Variants in NAV2 observed in about 807,000 individuals in gnomAD.
NAV2 encodes neuron navigator 2, also known as helicase, APC down-regulated 1.
A neutral mutation model predicts 223.2 loss-of-function variants in NAV2; 54 were observed. The ratio of observed to expected loss-of-function variants is 0.24; its 90% CI spans 0.19 to 0.30. NAV2 has a LOEUF of 0.30. NAV2 is among the 10% of genes least tolerant of loss of function. The pLI is 1.00. For missense variants in NAV2, 2,806 were observed against 3,147.5 expected, an observed-to-expected ratio of 0.89 and a Z score of 2.60; for synonymous variants, 1,279 against 1,239.3, an observed-to-expected ratio of 1.03 and a Z score of -0.67.
chr11:19,365,450 C>T (rs887252292), intron 1 of NAV2, among the ~76,000 whole-genome samples: 9 of 152,206 alleles, frequency 5.9e-5, no homozygotes, highest in African/African-American at 1.4e-4. Context: ...CACTTCACCT[C>T]GGTGTTCCTC....
chr11:19,653,569 C>T (rs530565041), intron 1 of NAV2, among the ~76,000 whole-genome samples: 1 of 152,244 alleles, frequency 6.6e-6, no homozygotes, highest in East Asian at 1.9e-4. Flanking sequence ...GCATCAAAAC[C>T]TCATGCTGTT....
chr11:19,529,758 T>TA (rs1205096755), intron 1 of NAV2, among the ~76,000 whole-genome samples: 13 of 152,302 alleles, frequency 8.5e-5, no homozygotes, highest in Admixed American at 3.3e-4. Context: ...CCTCACACAG[T>TA]AACCTCTTCA....
intron 1 of NAV2, among the ~76,000 whole-genome samples, chr11:19,678,820 A>C (rs1165570121): frequency 6.6e-6 from 1 of 152,172 alleles, no homozygotes; most frequent in Non-Finnish European, 1.5e-5. Flanking sequence ...AGCAGATCTT[A>C]TTTGTGTAAG....
intron 1 of NAV2, among the ~76,000 whole-genome samples, chr11:19,662,120 T>C (rs941886237): frequency 2.0e-5 from 3 of 152,222 alleles, no homozygotes; most frequent in Non-Finnish European, 4.4e-5. Flanking sequence ...ACTTAAATTC[T>C]TTTTAAAAAT....
intron 1 of NAV2, among the ~76,000 whole-genome samples, chr11:19,686,252 T>A (rs965762588): frequency 6.6e-6 from 1 of 152,152 alleles, no homozygotes; most frequent in African/African-American, 2.4e-5. Flanking sequence ...CTGTGATATG[T>A]TCCCTTGCTT....
chr11:19,916,416 T>C (rs2043810965), intron 6 of NAV2, among the ~76,000 whole-genome samples: 1 of 152,242 alleles, frequency 6.6e-6, no homozygotes, highest in Admixed American at 6.5e-5. Context: ...TATGCATTAA[T>C]ACATAAAAGT....
intron 1 of NAV2, among the ~76,000 whole-genome samples, chr11:19,687,175 C>G (rs2049046669): frequency 6.6e-6 from 1 of 152,160 alleles, no homozygotes; most frequent in Admixed American, 6.5e-5. Flanking sequence ...ACAGCATTCT[C>G]CCTGGAACAG....
intron 6 of NAV2, among the ~76,000 whole-genome samples, chr11:19,910,553 G>C (rs1322042888): frequency 6.6e-6 from 1 of 152,170 alleles, no homozygotes; most frequent in African/African-American, 2.4e-5. Flanking sequence ...TGACATATCA[G>C]CATGTTAAGA....
intron 1 of NAV2, among the ~76,000 whole-genome samples, chr11:19,580,673 G>C (rs1293303209): frequency 6.6e-6 from 1 of 152,138 alleles, no homozygotes; most frequent in Non-Finnish European, 1.5e-5. Context: ...TAGGCAATTT[G>C]ATTTATTTTC....
At chr11:19,354,434 G>A (rs956720195) in intron 1 of NAV2, among the ~76,000 whole-genome samples, 3 of 152,214 alleles carry the variant, frequency 2.0e-5, no homozygotes, top group Non-Finnish European at 4.4e-5. Flanking sequence ...GGCCACTGTG[G>A]TAGACAGTAC....
chr11:20,012,892 T>C (rs2254101), intron 11 of NAV2, among the ~76,000 whole-genome samples: 149,285 of 152,316 alleles, frequency 0.98, 73,246 homozygotes, highest in Middle Eastern at 1. Context: ...TTACCAGCAG[T>C]GTGGCCTTGG....
intron 1 of NAV2, among the ~76,000 whole-genome samples, chr11:19,429,691 T>C (rs896046260): frequency 6.6e-6 from 1 of 152,186 alleles, no homozygotes; most frequent in African/African-American, 2.4e-5. Flanking sequence ...AAGATTGACA[T>C]AACATTTTCA....
At chr11:19,585,075 C>A (rs1263292484) in intron 1 of NAV2, among the ~76,000 whole-genome samples, 1 of 152,078 alleles carries the variant, frequency 6.6e-6, no homozygotes, top group African/African-American at 2.4e-5. Context: ...ATATTGGGTG[C>A]GTATATATTT....
intron 1 of NAV2, among the ~76,000 whole-genome samples, chr11:19,645,411 T>C (rs1282734167): frequency 6.6e-6 from 1 of 152,224 alleles, no homozygotes. Flanking sequence ...AAGTCCTTTT[T>C]ACCATGTCAG....
rs145823760 is a variant in NAV2, at chr11:19,884,603, C to T, written c.770+4476C>T. Among the ~76,000 whole-genome samples the T allele has an allele frequency of 5.1e-3, 780 of 152,240 alleles. 4 individuals carry two copies. Among genetic ancestry groups the T allele is most frequent in the African/African-American group, 0.018 (747 of 41,534 alleles). On this transcript the variant is annotated intron_variant, in intron 5 of 37. Coordinates refer to ENST00000349880, the MANE Select transcript of NAV2 (RefSeq NM_145117.5). Reference sequence around the variant, plus strand: ...GCAAGTGAGATTGAGGTGTACATGACGTTTCGCATTTTCTTGACTTTTGGC... The same window carrying T: ...GCAAGTGAGATTGAGGTGTACATGATGTTTCGCATTTTCTTGACTTTTGGC...
intron 1 of NAV2, among the ~76,000 whole-genome samples, chr11:19,732,463 A>G (rs1418929225): frequency 6.6e-6 from 1 of 152,232 alleles, no homozygotes; most frequent in African/African-American, 2.4e-5. Flanking sequence ...GTCACATAGC[A>G]AGTGCCCAGA....
At chr11:19,695,503 C>G (rs2049303585) in intron 1 of NAV2, among the ~76,000 whole-genome samples, 1 of 152,130 alleles carries the variant, frequency 6.6e-6, no homozygotes, top group Non-Finnish European at 1.5e-5. Context: ...TTAATACAGC[C>G]TAGCTGTCCT....
chr11:19,381,657 G>A (rs1435714016), intron 1 of NAV2, among the ~76,000 whole-genome samples: 2 of 152,152 alleles, frequency 1.3e-5, no homozygotes, highest in Non-Finnish European at 2.9e-5. Flanking sequence ...GAAGCGAGCT[G>A]GTGTCCTGGG....
intron 1 of NAV2, among the ~76,000 whole-genome samples, chr11:19,408,639 A>G (rs1159175611): frequency 6.6e-6 from 1 of 152,178 alleles, no homozygotes; most frequent in African/African-American, 2.4e-5. Context: ...TGTTGCACTC[A>G]CTTGAACCTC....
Sources: allele counts gnomAD v4.1 joint callset (sites outside exome capture counted in the v4.1 genomes callset), GRCh38; gene constraint gnomAD v4.1.1; transcripts MANE v1.5; gene names NCBI Gene and HGNC (gene_info 2026-07-23, HGNC 2026-07-21).